Variants in B3GLCT observed in about 807,000 individuals in gnomAD.
B3GLCT encodes beta 3-glucosyltransferase, also known as beta-1,3-glucosyltransferase.
A neutral mutation model predicts 63.4 loss-of-function variants in B3GLCT; 65 were observed. The ratio of observed to expected loss-of-function variants is 1.03; its 90% CI spans 0.84 to 1.26. B3GLCT has a LOEUF of 1.26. Ranked by LOEUF, B3GLCT falls within the 50% of genes most tolerant of loss-of-function variation. The pLI is 0.00. For synonymous variants in B3GLCT, 233 were observed against 219.2 expected (o/e 1.06, Z -0.55); for missense variants, 577 against 604.8 (o/e 0.95, Z 0.48).
intron 1 of B3GLCT, among the ~76,000 whole-genome samples, chr13:31,210,375 C>T (rs1485868572): frequency 1.3e-5 from 2 of 152,216 alleles, no homozygotes; most frequent in East Asian, 3.8e-4. Flanking sequence ...AATATTTTCC[C>T]TACTGAATCT....
intron 12 of B3GLCT, among the ~76,000 whole-genome samples, chr13:31,299,013 A>G (rs2137903614): frequency 6.6e-6 from 1 of 152,338 alleles, no homozygotes; most frequent in Non-Finnish European, 1.5e-5. Flanking sequence ...AAAAGGTTTT[A>G]GTGATCTGAT....
At chr13:31,255,190 TC>T (rs1253484572) in intron 6 of B3GLCT, among the ~76,000 whole-genome samples, 6 of 152,018 alleles carry the variant, frequency 3.9e-5, no homozygotes, top group African/African-American at 1.4e-4. Context: ...ATGAATGAAC[TC>T]CCATTCACAG....
Position 31,247,010 on chromosome 13 carries a change from A to G in B3GLCT, c.271-13A>G, listed in dbSNP as rs1871225482. ...CAATTCATACTTATCTTCTTTGATC[A>G]TTGTTTTCTCAGGAGCTCCCCAGTG... On this transcript the variant is annotated splice_polypyrimidine_tract_variant and intron_variant, in intron 4 of 14. Coordinates refer to ENST00000343307, the MANE Select transcript of B3GLCT (RefSeq NM_194318.4). 7 of 1,535,098 alleles carry G rather than the reference A, an allele frequency of 4.6e-6. No individual in the cohort carries two copies. The highest frequency in any genetic ancestry group is 6.1e-6 in the Non-Finnish European group (7 of 1,140,400).
At chr13:31,278,889 G>A (rs1047223551) in intron 10 of B3GLCT, among the ~76,000 whole-genome samples, 1 of 151,904 alleles carries the variant, frequency 6.6e-6, no homozygotes, top group South Asian at 2.1e-4. Flanking sequence ...TTATTCACTT[G>A]TTGTGGAAAA....
At chr13:31,262,636 G>A (rs1451893307) in intron 7 of B3GLCT, among the ~76,000 whole-genome samples, 1 of 152,172 alleles carries the variant, frequency 6.6e-6, no homozygotes, top group Non-Finnish European at 1.5e-5. Flanking sequence ...GGAGCTCCCA[G>A]GACATTCATT....
At chr13:31,329,433 C>T in intron 14 of B3GLCT, 68 bp from the exon 15 acceptor site, 2 of 1,570,650 alleles carry the variant, frequency 1.3e-6, no homozygotes, top group Non-Finnish European at 1.8e-6. Flanking sequence ...TTTATAAATT[C>T]AAATGCTCTT....
rs1875456883 is a variant in B3GLCT at position 31,323,800 on chromosome 13, C to T, written c.1234C>T (p.Arg412Ter). 1.2e-6 allele frequency: 2 copies of T among 1,614,082 alleles called. No individual in the cohort carries two copies. Among genetic ancestry groups the T allele is most frequent in the Non-Finnish European group, 8.5e-7 (1 of 1,179,998 alleles). Residue 412 changes from arginine to a stop codon, truncating the protein, a stop_gained, in exon 14 of 15, where the codon CGA (arginine) becomes TGA (stop). Coordinates refer to ENST00000343307, the MANE Select transcript of B3GLCT (RefSeq NM_194318.4). LOFTEE classifies it high-confidence loss of function. ...CAGGAGACTTCTCGCCAGTAAATGT[C>T]GATGCTACAGCAATGATGCTCCCGA... ...AVRRLLASKC[R>*]CYSNDAPDDM...
intron 2 of B3GLCT, among the ~76,000 whole-genome samples, chr13:31,219,891 GATA>G (rs1466295109): frequency 6.6e-6 from 1 of 152,178 alleles, no homozygotes; most frequent in Non-Finnish European, 1.5e-5. Flanking sequence ...AGTAGTTGAT[GATA>G]ATGATGAAAA....
At chr13:31,252,543 CAA>C (rs138073761) in intron 6 of B3GLCT, among the ~76,000 whole-genome samples, 1 of 149,154 alleles carries the variant, frequency 6.7e-6, no homozygotes, top group Non-Finnish European at 1.5e-5. Context: ...AATGGAAGGC[CAA>C]AAAAAAAGCG....
chr13:31,323,161 A>G (rs1252882659), intron 13 of B3GLCT, among the ~76,000 whole-genome samples: 1 of 152,244 alleles, frequency 6.6e-6, no homozygotes, highest in Non-Finnish European at 1.5e-5. Context: ...AATTGAGCCC[A>G]GCATGTGGAA....
rs35142866 is a variant in B3GLCT at position 31,218,187 on chromosome 13, C to CTTT, written c.120+3104_120+3106dup. Among the ~76,000 whole-genome samples, 9 of 119,858 alleles carry CTTT rather than the reference C, an allele frequency of 7.5e-5. 1 individual carries two copies. Among genetic ancestry groups the CTTT allele is most frequent in the Admixed American group, 1.7e-4 (2 of 11,798 alleles). The allele number at this position is 119,858 out of a possible 152,430, so 78.6% of individuals were successfully genotyped here. ...AGGTGTTTTATTCTTTTTGTGGCTA[C>CTTT]TTTTTTTTTTTTTTTTTTTGAGATG... On this transcript the variant is annotated intron_variant, in intron 2 of 14. Coordinates refer to ENST00000343307, the MANE Select transcript of B3GLCT (RefSeq NM_194318.4).
At chr13:31,266,139 A>G (rs778656491) in intron 7 of B3GLCT, among the ~76,000 whole-genome samples, 148 of 152,194 alleles carry the variant, frequency 9.7e-4, no homozygotes, top group Non-Finnish European at 1.3e-3. Flanking sequence ...CTGGGACTGC[A>G]GGTGCCCGCC....
chr13:31,200,165 G>A lies in B3GLCT; in HGVS notation c.70+11G>A, dbSNP rs751844975. On this transcript the variant is annotated intron_variant, in intron 1 of 14. Transcript: ENST00000343307. ...TCACCTGCTCCCTGGGTAAGTAGCG[G>A]GCGGCCAGGCGCGCAAGGGCGAGGC... 5 of 1,303,366 alleles carry A rather than the reference G, an allele frequency of 3.8e-6. No individual in the cohort carries two copies. In the South Asian group the frequency reaches 8.5e-5, roughly 22 times the overall value. 80.7% of individuals were successfully genotyped at this position (1,303,366 alleles called of 1,614,324 possible).
At chr13:31,327,413 C>A (rs1375319523) in intron 14 of B3GLCT, among the ~76,000 whole-genome samples, 2 of 152,144 alleles carry the variant, frequency 1.3e-5, no homozygotes, top group East Asian at 1.9e-4. Flanking sequence ...ATGCCCAGTG[C>A]GGGATGGAGT....
intron 12 of B3GLCT, among the ~76,000 whole-genome samples, chr13:31,288,093 AATGAAAACTGTAAACCCATAG>A (rs1437833277): frequency 6.6e-6 from 1 of 152,218 alleles, no homozygotes; most frequent in African/African-American, 2.4e-5. Context: ...TTTCAAATTT[AATGAAAACTGTAAACCCATAG>A]ATCCAAGAGT....
intron 3 of B3GLCT, among the ~76,000 whole-genome samples, chr13:31,223,550 T>C (rs929734709): frequency 2.0e-5 from 3 of 152,174 alleles, no homozygotes; most frequent in African/African-American, 4.8e-5. Context: ...CCATTCCTTA[T>C]TTGTACTCCT....
intron 1 of B3GLCT, among the ~76,000 whole-genome samples, chr13:31,206,582 TGCAAAAAAAAAAAAAAAAAAA>T (rs1488995269): frequency 1.7e-5 from 1 of 59,334 alleles, no homozygotes; most frequent in Non-Finnish European, 3.2e-5. Flanking sequence ...CTACTAAAAA[TGCAAAAAAAAAAAAAAAAAAA>T]GGTAGCCGGG....
chr13:31,267,460 C>A (rs1350377396), intron 7 of B3GLCT, among the ~76,000 whole-genome samples: 2 of 152,226 alleles, frequency 1.3e-5, no homozygotes, highest in Admixed American at 1.3e-4. Flanking sequence ...TCCAACTGAG[C>A]AGAATTCAAA....
At chr13:31,286,662 A>C (rs2137881156) in intron 11 of B3GLCT, 58 bp from the exon 12 acceptor site, 1 of 1,178,588 alleles carries the variant, frequency 8.5e-7, no homozygotes, top group Non-Finnish European at 1.2e-6. Context: ...GAAATGAACA[A>C]ATTCTATATA....
Sources: allele counts gnomAD v4.1 joint callset (sites outside exome capture counted in the v4.1 genomes callset), GRCh38; gene constraint gnomAD v4.1.1; transcripts MANE v1.5; gene names NCBI Gene and HGNC (gene_info 2026-07-23, HGNC 2026-07-21).